XKR6: variants seen among roughly 807,000 people sequenced by gnomAD.
XKR6 encodes the protein XK related 6.
A neutral mutation model predicts 56.7 loss-of-function variants in XKR6; 22 were observed. The observed-to-expected ratio is 0.39, with a 90% CI of 0.28 to 0.55. XKR6 has a LOEUF of 0.55. Among genes scored for constraint, XKR6 ranks in the 20% least tolerant of loss-of-function variants. The pLI is 0.66. For missense variants in XKR6, 852 were observed against 889.0 expected (o/e 0.96, Z 0.53); for synonymous variants, 524 against 387.8 (o/e 1.35, Z -4.13).
intron 1 of XKR6, among the ~76,000 whole-genome samples, chr8:11,012,586 AG>A (rs1206741375): frequency 1.3e-5 from 2 of 152,058 alleles, no homozygotes; most frequent in Non-Finnish European, 2.9e-5. Context: ...GGAGGAAAAG[AG>A]CTGGGAAATG....
chr8:10,987,285 C>T (rs562189374), intron 1 of XKR6, among the ~76,000 whole-genome samples: 1 of 152,148 alleles, frequency 6.6e-6, no homozygotes, highest in African/African-American at 2.4e-5. Context: ...TAAAGTGGTA[C>T]TACTAGTTGA....
At chr8:11,032,029 C>T (rs1286451792) in intron 1 of XKR6, among the ~76,000 whole-genome samples, 1 of 152,194 alleles carries the variant, frequency 6.6e-6, no homozygotes, top group Non-Finnish European at 1.5e-5. Context: ...GCTTCTGAGA[C>T]AGGGCTCCCA....
At chr8:10,941,060 C>T (rs951572791) in intron 1 of XKR6, among the ~76,000 whole-genome samples, 8 of 152,210 alleles carry the variant, frequency 5.3e-5, no homozygotes, top group African/African-American at 1.9e-4. Context: ...TCCTCGATGA[C>T]TCCTGGAGGA....
At chr8:11,157,101 T>C (rs1056565753) in intron 1 of XKR6, among the ~76,000 whole-genome samples, 10 of 152,060 alleles carry the variant, frequency 6.6e-5, no homozygotes. Context: ...ATAAGAAAAA[T>C]GTCATACTAA....
chr8:11,098,088 G>T (rs1441748897), intron 1 of XKR6, among the ~76,000 whole-genome samples: 1 of 152,088 alleles, frequency 6.6e-6, no homozygotes. Flanking sequence ...GCTAGGCTCT[G>T]CAGTTTACAG....
At chr8:11,007,548 A>T (rs1027503248) in intron 1 of XKR6, among the ~76,000 whole-genome samples, 1 of 152,180 alleles carries the variant, frequency 6.6e-6, no homozygotes, top group Admixed American at 6.5e-5. Flanking sequence ...CATCATCGCC[A>T]TCAATACTGA....
intron 1 of XKR6, among the ~76,000 whole-genome samples, chr8:11,038,975 C>G (rs568482168): frequency 3.3e-4 from 51 of 152,316 alleles, no homozygotes; most frequent in African/African-American, 1.2e-3. Context: ...CCGCCCAACT[C>G]AGTTGTCGAC....
intron 1 of XKR6, among the ~76,000 whole-genome samples, chr8:11,060,406 C>T (rs1799800076): frequency 6.6e-6 from 1 of 152,204 alleles, no homozygotes; most frequent in Non-Finnish European, 1.5e-5. Flanking sequence ...ACCTAGAGCC[C>T]CTGCCTCCTC....
At chr8:11,167,497 G>C (rs992567611) in intron 1 of XKR6, among the ~76,000 whole-genome samples, 5 of 152,158 alleles carry the variant, frequency 3.3e-5, no homozygotes, top group African/African-American at 1.2e-4. Flanking sequence ...AAACAATCCA[G>C]ACACCTGGGG....
chr8:11,185,969 C>A (rs1803250812), intron 1 of XKR6, among the ~76,000 whole-genome samples: 1 of 152,150 alleles, frequency 6.6e-6, no homozygotes, highest in African/African-American at 2.4e-5. Context: ...TATTTCTGTA[C>A]CACCCTCAGA....
At chr8:11,110,429 C>CTA (rs1383287879) in intron 1 of XKR6, among the ~76,000 whole-genome samples, 1 of 152,178 alleles carries the variant, frequency 6.6e-6, no homozygotes, top group Non-Finnish European at 1.5e-5. Flanking sequence ...AAAACTTCTG[C>CTA]TATACACTAG....
At chr8:11,061,886 G>A (rs1005911407) in intron 1 of XKR6, among the ~76,000 whole-genome samples, 2 of 152,182 alleles carry the variant, frequency 1.3e-5, no homozygotes, top group African/African-American at 4.8e-5. Flanking sequence ...CTTGGGTCAG[G>A]CAAGGACGCG....
At chr8:11,193,266 C>A (rs1803682289) in intron 1 of XKR6, among the ~76,000 whole-genome samples, 1 of 152,138 alleles carries the variant, frequency 6.6e-6, no homozygotes, top group Non-Finnish European at 1.5e-5. Flanking sequence ...CAAAAACACT[C>A]CATTCAAAAC....
At chr8:11,010,373 G>A (rs1378719425) in intron 1 of XKR6, among the ~76,000 whole-genome samples, 2 of 152,146 alleles carry the variant, frequency 1.3e-5, no homozygotes, top group African/African-American at 4.8e-5. Flanking sequence ...AATAGTAATA[G>A]TAAAAACTGG....
intron 1 of XKR6, among the ~76,000 whole-genome samples, chr8:10,975,516 G>T (rs1802528962): frequency 6.6e-6 from 1 of 152,090 alleles, no homozygotes; most frequent in African/African-American, 2.4e-5. Flanking sequence ...CCCACCACCT[G>T]CCCTGGGCAC....
intron 1 of XKR6, among the ~76,000 whole-genome samples, chr8:11,083,976 T>C (rs1797807385): frequency 6.6e-6 from 1 of 152,154 alleles, no homozygotes; most frequent in Non-Finnish European, 1.5e-5. Context: ...TAAGTAACAT[T>C]AAAAGAAAAA....
At chr8:11,197,188 T>C (rs1399735797) in intron 1 of XKR6, among the ~76,000 whole-genome samples, 3 of 152,204 alleles carry the variant, frequency 2.0e-5, no homozygotes, top group African/African-American at 7.2e-5. Flanking sequence ...TATAAACAAG[T>C]TAAGTAAATT....
intron 1 of XKR6, among the ~76,000 whole-genome samples, chr8:11,099,448 G>C (rs1053489760): frequency 2.0e-5 from 3 of 152,266 alleles, no homozygotes; most frequent in African/African-American, 4.8e-5. Flanking sequence ...AATTCTGGGA[G>C]AGAAGGGGCT....
intron 1 of XKR6, among the ~76,000 whole-genome samples, chr8:10,969,648 T>C (rs892599817): frequency 6.6e-6 from 1 of 152,174 alleles, no homozygotes; most frequent in Non-Finnish European, 1.5e-5. Flanking sequence ...AGAGGAACTG[T>C]TGGAGCACAG....
Sources: gnomAD v4.1 joint callset for allele counts (sites outside exome capture counted in the v4.1 genomes callset) on GRCh38, gnomAD v4.1.1 for gene constraint, MANE v1.5 for transcripts, NCBI Gene and HGNC (gene_info 2026-07-23, HGNC 2026-07-21) for gene names.